The following TBC1D22A variants were observed in gnomAD, a reference collection of about 807,000 sequenced individuals.
TBC1D22A encodes the protein TBC1 domain family member 22A, also known as putative GTPase activator.
A neutral mutation model predicts 60.2 loss-of-function variants in TBC1D22A; 38 were observed. The observed-to-expected ratio is 0.63, with a 90% CI of 0.49 to 0.83. TBC1D22A has a LOEUF of 0.83. TBC1D22A is among the 40% of genes least tolerant of loss of function. The pLI, the probability that TBC1D22A is intolerant of heterozygous loss-of-function variation, is 0.00. For missense variants in TBC1D22A, 628 were observed against 701.0 expected (o/e 0.90, Z 1.18); for synonymous variants, 302 against 281.7 (o/e 1.07, Z -0.72).
At chr22:46,881,519 G>A (rs961407530) in intron 5 of TBC1D22A, among the ~76,000 whole-genome samples, 5 of 152,294 alleles carry the variant, frequency 3.3e-5, no homozygotes, top group South Asian at 4.1e-4. Flanking sequence ...CTTGCCGTGC[G>A]TCAGACCACG....
intron 4 of TBC1D22A, among the ~76,000 whole-genome samples, chr22:46,841,117 C>T (rs1178885747): frequency 6.6e-6 from 1 of 151,026 alleles, no homozygotes; most frequent in African/African-American, 2.4e-5. Flanking sequence ...AATGGGATTG[C>T]CATGGCCTTA....
At chr22:47,165,776 G>A (rs960671523) in intron 12 of TBC1D22A, among the ~76,000 whole-genome samples, 1 of 152,082 alleles carries the variant, frequency 6.6e-6, no homozygotes, top group Non-Finnish European at 1.5e-5. Context: ...GACCCCGGGG[G>A]TCCTCAGCGG....
intron 8 of TBC1D22A, among the ~76,000 whole-genome samples, chr22:46,946,821 C>T (rs2072576800): frequency 6.6e-6 from 1 of 152,154 alleles, no homozygotes; most frequent in African/African-American, 2.4e-5. Flanking sequence ...TTAGGAAGTG[C>T]ATTCTGAGCA....
intron 11 of TBC1D22A, among the ~76,000 whole-genome samples, chr22:47,039,120 C>A (rs999390793): frequency 6.6e-6 from 1 of 152,134 alleles, no homozygotes; most frequent in African/African-American, 2.4e-5. Context: ...TCGGCTTGCC[C>A]ATGGTTCTGC....
intron 10 of TBC1D22A, among the ~76,000 whole-genome samples, chr22:46,999,546 G>T (rs905966512): frequency 6.6e-6 from 1 of 152,146 alleles, no homozygotes; most frequent in Non-Finnish European, 1.5e-5. Context: ...ACTGGTGGGC[G>T]CCATCATCCC....
At chr22:47,097,629 A>C (rs561084599) in intron 11 of TBC1D22A, among the ~76,000 whole-genome samples, 2 of 152,254 alleles carry the variant, frequency 1.3e-5, no homozygotes, top group South Asian at 4.1e-4. Flanking sequence ...AAGAAAGAAA[A>C]AGAAAAGAAA....
chr22:46,882,061 C>G (rs1352884418), intron 5 of TBC1D22A, among the ~76,000 whole-genome samples: 1 of 152,190 alleles, frequency 6.6e-6, no homozygotes, highest in Non-Finnish European at 1.5e-5. Context: ...GAAGGGGTCT[C>G]CCCAATCAAG....
At chr22:46,967,428 A>T (rs891335671) in intron 8 of TBC1D22A, among the ~76,000 whole-genome samples, 5 of 152,228 alleles carry the variant, frequency 3.3e-5, no homozygotes, top group Admixed American at 3.3e-4. Flanking sequence ...CCATAGAGCA[A>T]TTCCATCTTG....
rs1472937856 is a variant in TBC1D22A, at chr22:46,793,786, C to T, written c.405C>T (p.Ser135=). 1.4e-5 allele frequency: 23 copies of T among 1,598,854 alleles called. No homozygotes were observed. Among genetic ancestry groups the T allele is most frequent in the East Asian group, 9.1e-5 (4 of 44,142 alleles). ...RPEAEPPSPP[S]GDLRLVKSVS... Reference sequence around the variant, plus strand: ...AGGCAGAGCCGCCCTCACCCCCCAGCGGCGACCTCCGGCTGGTGAAGTCGG... The same window carrying T: ...AGGCAGAGCCGCCCTCACCCCCCAGTGGCGACCTCCGGCTGGTGAAGTCGG... Residue 135 remains serine (S), a synonymous_variant, in exon 3 of 13, where the codon AGC becomes AGT. Coordinates refer to ENST00000337137, the MANE Select transcript of TBC1D22A (RefSeq NM_014346.5).
chr22:47,048,099 C>G (rs2063088909), intron 11 of TBC1D22A, among the ~76,000 whole-genome samples: 1 of 152,240 alleles, frequency 6.6e-6, no homozygotes, highest in Admixed American at 6.5e-5. Context: ...GCTGCCCCAG[C>G]TCCACTGCTG....
At chr22:46,808,322 C>T (rs58664918) in intron 4 of TBC1D22A, among the ~76,000 whole-genome samples, 2,246 of 152,048 alleles carry the variant, frequency 0.015, 58 homozygotes, top group African/African-American at 0.052. Flanking sequence ...TGTGCCATTG[C>T]ACTCCAGCCT....
chr22:46,901,845 C>T (rs890775243), intron 7 of TBC1D22A, among the ~76,000 whole-genome samples: 18 of 152,166 alleles, frequency 1.2e-4, no homozygotes, highest in Non-Finnish European at 2.1e-4. Context: ...CTATTTTGCT[C>T]CTCTCCCAGA....
chr22:47,108,469 C>T (rs763459896), intron 11 of TBC1D22A, among the ~76,000 whole-genome samples: 34 of 152,162 alleles, frequency 2.2e-4, no homozygotes, highest in Admixed American at 4.6e-4. Flanking sequence ...TTATATGATT[C>T]CCTTTATTTG....
intron 12 of TBC1D22A, among the ~76,000 whole-genome samples, chr22:47,149,684 G>A (rs1601679529): frequency 6.6e-6 from 1 of 152,256 alleles, no homozygotes; most frequent in South Asian, 2.1e-4. Context: ...CCGCAGTGGC[G>A]AGTCAGGGAG....
rs1309702806 is a variant in TBC1D22A, at chr22:46,891,307, C to T, written c.750C>T (p.Leu250=). 6.2e-6 allele frequency: 10 copies of T among 1,613,182 alleles called. No homozygotes were observed. The highest frequency in any genetic ancestry group is 7.6e-6 in the Non-Finnish European group (9 of 1,179,738). The change falls in exon 6 of 13, where the codon CTC becomes CTT. Residue 250 remains leucine (L), a synonymous_variant. Coordinates refer to ENST00000337137, the MANE Select transcript of TBC1D22A (RefSeq NM_014346.5). ...PANVDRRPAT[L]QRKQKEYFAF... is the part of the protein sequence containing the mutation. ...ATGTAGACCGGAGACCAGCCACTCTCCAGAGAAAACAAAAAGAATATTTTG... is the reference window on the plus strand; with the variant it reads ...ATGTAGACCGGAGACCAGCCACTCTTCAGAGAAAACAAAAAGAATATTTTG...
chr22:46,855,788 C>T (rs1448876945), intron 4 of TBC1D22A, among the ~76,000 whole-genome samples: 1 of 152,148 alleles, frequency 6.6e-6, no homozygotes, highest in Non-Finnish European at 1.5e-5. Context: ...CGTTGCCATC[C>T]GAGCCTTTCT....
chr22:46,941,348 T>TAGAATATATATAC (rs1182148598), intron 8 of TBC1D22A, among the ~76,000 whole-genome samples: 11,677 of 93,600 alleles, frequency 0.12, 1,999 homozygotes, highest in African/African-American at 0.21. Flanking sequence ...TATATATATA[T>TAGAATATATATAC]AGAATATATA....
intron 8 of TBC1D22A, chr22:46,915,945 C>T (rs965919680): frequency 1.4e-5 from 6 of 443,032 alleles, no homozygotes; most frequent in East Asian, 6.9e-5. Context: ...CTCAGTGTTA[C>T]GTTCTTTGAC....
intron 4 of TBC1D22A, among the ~76,000 whole-genome samples, chr22:46,800,140 C>T (rs900087319): frequency 6.6e-6 from 1 of 152,198 alleles, no homozygotes; most frequent in Non-Finnish European, 1.5e-5. Context: ...TTTCCCCCGA[C>T]TTGACTGCAC....
Sources: gnomAD v4.1 joint callset for allele counts (sites outside exome capture counted in the v4.1 genomes callset) on GRCh38, gnomAD v4.1.1 for gene constraint, MANE v1.5 for transcripts, NCBI Gene and HGNC (gene_info 2026-07-23, HGNC 2026-07-21) for gene names.